The following DIP2C variants were observed in gnomAD, a reference collection of about 807,000 sequenced individuals.
DIP2C encodes the protein disco-interacting protein 2 homolog C.
In DIP2C, 33 loss-of-function variants were observed where a neutral mutation model predicts 192.4. That is an observed-to-expected ratio of 0.17 (90% confidence interval 0.13 to 0.23). The LOEUF (loss-of-function observed/expected upper bound fraction) is 0.23. Ranked by LOEUF, DIP2C falls within the 10% of genes least tolerant of loss-of-function variation. The pLI is 1.00. For synonymous variants in DIP2C, 979 were observed against 864.1 expected (o/e 1.13, Z -2.33); for missense variants, 1,537 against 2,110.1 (o/e 0.73, Z 5.32).
intron 29 of DIP2C, among the ~76,000 whole-genome samples, chr10:335,595 A>G (rs1352098600): frequency 6.6e-6 from 1 of 152,230 alleles, no homozygotes; most frequent in African/African-American, 2.4e-5. Context: ...TGCATTGTCC[A>G]ATCAGTCCCC....
At chr10:348,850 A>C in intron 25 of DIP2C, 88 bp from the exon 26 acceptor site, 1 of 1,558,230 alleles carries the variant, frequency 6.4e-7, no homozygotes, top group Non-Finnish European at 8.7e-7. Flanking sequence ...TGTCTGGGGC[A>C]AGTTCAACAG....
At chr10:493,042 T>C (rs1372711962) in intron 1 of DIP2C, among the ~76,000 whole-genome samples, 1 of 152,228 alleles carries the variant, frequency 6.6e-6, no homozygotes, top group East Asian at 1.9e-4. Context: ...AGCAGAGGCT[T>C]TGTGAGTTTG....
chr10:686,403 C>A lies in DIP2C; in HGVS notation c.85+3091G>T, dbSNP rs985776811. Among the ~76,000 whole-genome samples the A allele has an allele frequency of 5.9e-5, 9 of 151,772 alleles. No homozygotes were observed. The East Asian group carries it at 1.7e-3, about 29-fold the overall frequency. ...CTCACCCGAGGGGCCTCCGCACCCT[C>A]ATGGCCTCCCCACCTGCACAGCCTC... On this transcript the variant is annotated intron_variant, in intron 1 of 36. Coordinates refer to ENST00000280886, the MANE Select transcript of DIP2C (RefSeq NM_014974.3).
At chr10:369,015 GAAAAGGCTTCTGAGACTTGGA>G (rs1960642536) in intron 18 of DIP2C, among the ~76,000 whole-genome samples, 1 of 152,232 alleles carries the variant, frequency 6.6e-6, no homozygotes, top group African/African-American at 2.4e-5. Context: ...TGCATCTGTG[GAAAAGGCTTCTGAGACTTGGA>G]AAAAGGTCTC....
intron 5 of DIP2C, among the ~76,000 whole-genome samples, chr10:422,258 GC>G (rs1223301735): frequency 2.0e-5 from 3 of 152,164 alleles, no homozygotes; most frequent in Admixed American, 1.3e-4. Flanking sequence ...GCCCATCACC[GC>G]TCCCCACGTG....
intron 2 of DIP2C, among the ~76,000 whole-genome samples, chr10:479,328 CTTT>C (rs766379689): frequency 0.02 from 1,730 of 88,444 alleles, 45 homozygotes; most frequent in African/African-American, 0.07. Context: ...TCTCACACTG[CTTT>C]TTTTTTTTTT....
In DIP2C at chr10:327,133, A is replaced by G. The variant is rs1335333102; in HGVS notation, c.3797T>C (p.Val1266Ala). 6.2e-7 allele frequency: 1 copy of G among 1,614,046 alleles called. No individual in the cohort carries two copies. The highest frequency in any genetic ancestry group is 8.5e-7 in the Non-Finnish European group (1 of 1,180,042). ...DLSRVRTCVV[V>A]AEERPRIALT... ...TGCGATCCGAGGCCTCTCTTCCGCC[A>G]CAACCACGCAGGTCCTCACTCGGGA... The change falls in exon 31 of 37, where the codon GTG becomes GCG. Residue 1266 changes from valine to alanine, a missense_variant. Around this residue, in one of 4 missense-constraint regions of DIP2C, gnomAD observed 341 missense variants for 551.7 expected, o/e 0.62. Transcript: ENST00000280886.
chr10:285,875 T>A (rs2132165232), intron 34 of DIP2C, among the ~76,000 whole-genome samples: 1 of 152,380 alleles, frequency 6.6e-6, no homozygotes, highest in Non-Finnish European at 1.5e-5. Flanking sequence ...TACTGTGTCC[T>A]GATGCTGTTG....
chr10:283,206 T>C lies in DIP2C; in HGVS notation c.4294+66A>G, dbSNP rs565662601. On this transcript the variant is annotated intron_variant, in intron 35 of 36. Coordinates refer to ENST00000280886, the MANE Select transcript of DIP2C (RefSeq NM_014974.3). ...TGCTGTAAACCTTGGGAAAGGCTTCTGTATCTACAGGAGCCTAACCTCTCT... is the reference window on the plus strand; with the variant it reads ...TGCTGTAAACCTTGGGAAAGGCTTCCGTATCTACAGGAGCCTAACCTCTCT... 6.3e-5 allele frequency: 98 copies of C among 1,554,944 alleles called. No homozygotes were observed. The South Asian group carries it at 1.1e-3, about 18-fold the overall frequency.
chr10:453,494 C>T (rs79710026), intron 3 of DIP2C, among the ~76,000 whole-genome samples: 3,006 of 152,282 alleles, frequency 0.02, 62 homozygotes, highest in African/African-American at 0.055. Flanking sequence ...GGAGGCTCAG[C>T]AGTCAGGACA....
At chr10:288,309 A>G (rs1955259859) in intron 33 of DIP2C, 55 bp downstream of exon 33, 1 of 1,525,014 alleles carries the variant, frequency 6.6e-7, no homozygotes, top group Non-Finnish European at 9.0e-7. Context: ...TTCAAAGCCC[A>G]TACAGTCAGA....
At position 363,159 on chromosome 10, in the gene DIP2C, G is replaced by C. The variant is rs753221283; in HGVS notation, c.2592+38C>G. 8.2e-6 allele frequency: 13 copies of C among 1,578,076 alleles called. No homozygotes were observed. The East Asian group carries it at 2.7e-4, about 33-fold the overall frequency. The stretch of plus-strand genomic sequence containing the variant: ...AATGAAGTAAGGAGGCCAGAAACAA[G>C]ACACAGGGGACCAGTGCCCAGGGCG... On this transcript the variant is annotated intron_variant, in intron 21 of 36. Coordinates refer to ENST00000280886, the MANE Select transcript of DIP2C (RefSeq NM_014974.3). This position sits in a 1 kb window ranked among gnomAD's most constrained non-coding sequence, Gnocchi z 5.4.
chr10:573,292 T>C (rs1309440325), intron 1 of DIP2C, among the ~76,000 whole-genome samples: 1 of 152,078 alleles, frequency 6.6e-6, no homozygotes, highest in Non-Finnish European at 1.5e-5. Context: ...ATTGCTACAA[T>C]GTAATGAAAA....
In DIP2C at chr10:363,203, C is replaced by G. The variant is rs1959746629; in HGVS notation, c.2586G>C (p.Val862=). The change falls in exon 21 of 37, where the codon GTG becomes GTC. Residue 862 remains valine, a synonymous_variant. Transcript: ENST00000280886. This position sits in a 1 kb window ranked among gnomAD's most constrained non-coding sequence, Gnocchi z 5.4. ...EEDSFQWMSR[V]LQAIDSIHQV... is the part of the protein sequence containing the mutation. ...CAGGGCGAGGGAGGGCAACCTGCAG[C>G]ACACGGCTCATCCACTGGAAACTGT... The G allele has an allele frequency of 6.2e-7, 1 of 1,613,606 alleles. No homozygotes were observed. The highest frequency in any genetic ancestry group is 2.2e-5 in the East Asian group (1 of 44,876).
intron 24 of DIP2C, among the ~76,000 whole-genome samples, chr10:354,003 G>A (rs1190167215): frequency 6.6e-6 from 1 of 152,228 alleles, no homozygotes; most frequent in African/African-American, 2.4e-5. Context: ...CCTTGGTCCA[G>A]GCCCAGCATC....
Position 382,739 on chromosome 10 carries a change from T to C in DIP2C, c.1899A>G (p.Ala633=), listed in dbSNP as rs140993934. The change falls in exon 17 of 37, where the codon GCA becomes GCG. Residue 633 remains alanine, a synonymous_variant. Coordinates refer to ENST00000280886, the MANE Select transcript of DIP2C (RefSeq NM_014974.3). ...ANPWSISSCD[A]FLNVFQSKGL... ...CTTTACTTTGGAAGACATTGAGAAA[T>C]GCATCGCAAGAAGAAATAGACCCTA... is the stretch of plus-strand genomic sequence containing the variant. The C allele has an allele frequency of 8.7e-6, 14 of 1,613,042 alleles. 1 individual carries two copies. In the South Asian group the frequency reaches 9.9e-5, roughly 11 times the overall value.
rs1564684624 is a variant in DIP2C, at chr10:417,664, GTC to G, written c.739+1399_739+1400del. 1.6e-3 allele frequency among the ~76,000 whole-genome samples: 56 copies of G among 34,556 alleles called. 2 individuals carry two copies. The highest frequency in any genetic ancestry group is 8.6e-3 in the Admixed American group (25 of 2,894). The allele number at this position is 34,556 out of a possible 152,430, so 22.7% of individuals were successfully genotyped here. On this transcript the variant is annotated intron_variant, in intron 6 of 36. Coordinates refer to ENST00000280886, the MANE Select transcript of DIP2C (RefSeq NM_014974.3). ...TAGGCCTCCCTGTCCACCTGTTCCT[GTC>G]AGGGCTCGGATAGGCCTCCCTGTCC...
chr10:551,861 C>T (rs1033754994), intron 1 of DIP2C, among the ~76,000 whole-genome samples: 9 of 152,214 alleles, frequency 5.9e-5, no homozygotes, highest in South Asian at 2.1e-4. Flanking sequence ...TCCCCTAGGC[C>T]GCTCAATGTC....
At chr10:343,114 C>G (rs1468035038) in intron 28 of DIP2C, among the ~76,000 whole-genome samples, 1 of 148,678 alleles carries the variant, frequency 6.7e-6, no homozygotes, top group Non-Finnish European at 1.5e-5. Context: ...ACAGTGAAAC[C>G]CCATCTCTAC....
Sources: allele counts gnomAD v4.1 joint callset (sites outside exome capture counted in the v4.1 genomes callset), GRCh38; gene constraint gnomAD v4.1.1; regional missense constraint gnomAD v4.1.1; non-coding constraint Gnocchi (gnomAD v3.1); transcripts MANE v1.5; gene names NCBI Gene and HGNC (gene_info 2026-07-23, HGNC 2026-07-21).